The following EIF2AK3 variants were observed in gnomAD, a reference collection of about 807,000 sequenced individuals.
The protein encoded by EIF2AK3 is eukaryotic translation initiation factor 2-alpha kinase 3.
In EIF2AK3, 50 loss-of-function variants were observed where a neutral mutation model predicts 113.5. That is an observed-to-expected ratio of 0.44 (90% CI 0.35 to 0.56). EIF2AK3 has a LOEUF of 0.56. EIF2AK3 is among the 20% of genes least tolerant of loss of function. EIF2AK3 has a pLI of 0.00. For missense variants in EIF2AK3, 1,185 were observed against 1,378.0 expected (o/e 0.86, Z 2.22); for synonymous variants, 448 against 495.4 (o/e 0.90, Z 1.27).
At chr2:88,571,081 A>G in intron 13 of EIF2AK3, 40 bp from the exon 14 acceptor site, 1 of 1,605,598 alleles carries the variant, frequency 6.2e-7, no homozygotes, top group Non-Finnish European at 8.5e-7. Flanking sequence ...GTGGGTGTGC[A>G]TGGAGGCGAA....
intron 1 of EIF2AK3, among the ~76,000 whole-genome samples, chr2:88,617,787 C>T (rs1675624039): frequency 6.6e-6 from 1 of 151,578 alleles, no homozygotes; most frequent in Non-Finnish European, 1.5e-5. Context: ...CCATTGGGTA[C>T]TATGCTCACT....
At chr2:88,626,217 C>G (rs1287737675) in intron 1 of EIF2AK3, among the ~76,000 whole-genome samples, 2 of 152,176 alleles carry the variant, frequency 1.3e-5, no homozygotes, top group Non-Finnish European at 2.9e-5. Context: ...CTGAGAAACT[C>G]AAAGAAAACC....
chr2:88,595,691 G>A (rs1191034354), intron 2 of EIF2AK3, 28 bp from the exon 3 acceptor site: 1 of 1,584,588 alleles, frequency 6.3e-7, no homozygotes, highest in Non-Finnish European at 8.7e-7. Context: ...TTTTTAAAAG[G>A]GCCATAACAT....
intron 1 of EIF2AK3, among the ~76,000 whole-genome samples, chr2:88,615,961 C>A (rs1027745117): frequency 3.3e-5 from 5 of 152,170 alleles, no homozygotes; most frequent in Admixed American, 2.0e-4. Context: ...CCCAGCAGCA[C>A]CTGACCAGCC....
chr2:88,594,712 T>C (rs116012578), intron 3 of EIF2AK3, among the ~76,000 whole-genome samples: 447 of 151,806 alleles, frequency 2.9e-3, no homozygotes, highest in Admixed American at 5.2e-3. Flanking sequence ...AAAATGAGTA[T>C]AAACTTTCCT....
At chr2:88,586,227 C>A (rs181673919) in intron 8 of EIF2AK3, among the ~76,000 whole-genome samples, 166 bp from the exon 9 acceptor site, 1 of 151,926 alleles carries the variant, frequency 6.6e-6, no homozygotes, top group Admixed American at 6.5e-5. Context: ...TCTCATTTTT[C>A]TCCCGTAAAT....
Position 88,588,182 on chromosome 2 carries a change from G to C in EIF2AK3, c.1307-78C>G, listed in dbSNP as rs902170796. 2.5e-5 allele frequency: 24 copies of C among 978,218 alleles called. No homozygotes were observed. The African/African-American group carries it at 3.7e-4, about 15-fold the overall frequency. 60.6% of individuals were successfully genotyped at this position (978,218 alleles called of 1,614,324 possible). On this transcript the variant is annotated intron_variant, in intron 7 of 16. Transcript: ENST00000303236. ...TTATGACTTGAATAAAAATGCACGT[G>C]CTTAATTGAATAAACTGATATTCAA...
chr2:88,607,352 A>G (rs192101555), intron 2 of EIF2AK3, among the ~76,000 whole-genome samples: 1 of 152,230 alleles, frequency 6.6e-6, no homozygotes, highest in Admixed American at 6.5e-5. Context: ...ATTAAAAACA[A>G]AATTCTTAGC....
chr2:88,570,229 A>G (rs1674264357), intron 14 of EIF2AK3, among the ~76,000 whole-genome samples: 1 of 152,222 alleles, frequency 6.6e-6, no homozygotes, highest in Non-Finnish European at 1.5e-5. Flanking sequence ...AGTTATTTCT[A>G]CAAGTGTAAG....
chr2:88,590,856 A>G lies in EIF2AK3; in HGVS notation c.964T>C (p.Phe322Leu). Residue 322 changes from phenylalanine (F) to leucine (L), a missense_variant, in exon 5 of 17, where the codon TTC becomes CTC. Physicochemically the swap from Phe to Leu is conservative, Grantham distance 22 (BLOSUM62 0). Transcript: ENST00000303236. ...TCCAGATGTCCTCCCTTCTTACTGA[A>G]TGCCATAACTTTCCAGTCAGCAACC... is the stretch of plus-strand genomic sequence containing the variant. The part of the protein sequence containing the change: ...VSVADWKVMA[F>L]SKKGGHLEWE... The G allele has an allele frequency of 1.2e-6, 2 of 1,614,086 alleles. No homozygotes were observed. Among genetic ancestry groups the G allele is most frequent in the Non-Finnish European group, 1.7e-6 (2 of 1,179,992 alleles).
At chr2:88,602,954 T>C (rs1392789828) in intron 2 of EIF2AK3, among the ~76,000 whole-genome samples, 2 of 151,720 alleles carry the variant, frequency 1.3e-5, no homozygotes, top group African/African-American at 4.8e-5. Context: ...TCCTGGAACT[T>C]AAAGTAAAAA....
At chr2:88,580,754 C>T (rs1314286636) in intron 10 of EIF2AK3, among the ~76,000 whole-genome samples, 1 of 152,178 alleles carries the variant, frequency 6.6e-6, no homozygotes, top group Non-Finnish European at 1.5e-5. Context: ...TTATGACTTA[C>T]ATACTCATTT....
At chr2:88,609,635 T>C (rs1333436757) in intron 2 of EIF2AK3, among the ~76,000 whole-genome samples, 1 of 152,224 alleles carries the variant, frequency 6.6e-6, no homozygotes, top group Non-Finnish European at 1.5e-5. Context: ...AAAGCACTTC[T>C]AGAACTGAGT....
rs146129461 is a variant in EIF2AK3 at position 88,558,963 on chromosome 2, C to A, written c.3104G>T (p.Arg1035Ile). The A allele has an allele frequency of 1.9e-6, 3 of 1,596,788 alleles. No individual in the cohort carries two copies. Among genetic ancestry groups the A allele is most frequent in the African/African-American group, 2.7e-5 (2 of 74,534 alleles). Reference sequence around the variant, plus strand: ...AAATAATGGTGGAAATTTGAGATTTCTTACATCAGTTAAGGTCTAAAAAGA... The same window carrying A: ...AAATAATGGTGGAAATTTGAGATTTATTACATCAGTTAAGGTCTAAAAAGA... ...MERVRTLTDV[R>I]NLKFPPLFTQ... The change falls in exon 16 of 17, where the codon AGA becomes ATA. Residue 1035 changes from arginine to isoleucine, a missense_variant. Transcript: ENST00000303236.
chr2:88,560,220 G>C (rs757165708), intron 15 of EIF2AK3, among the ~76,000 whole-genome samples: 6 of 152,254 alleles, frequency 3.9e-5, no homozygotes, highest in Admixed American at 2.6e-4. Flanking sequence ...ACGATGTTGA[G>C]CATCTTTTCA....
chr2:88,590,763 T>A, intron 5 of EIF2AK3, 55 bp downstream of exon 5: 1 of 1,596,974 alleles, frequency 6.3e-7, no homozygotes, highest in African/African-American at 1.3e-5. Context: ...TCAATAAGTT[T>A]GGTCAGACTG....
At chr2:88,605,938 CG>C (rs1453194280) in intron 2 of EIF2AK3, among the ~76,000 whole-genome samples, 2 of 152,020 alleles carry the variant, frequency 1.3e-5, no homozygotes, top group Non-Finnish European at 2.9e-5. Context: ...GATGCCCTAA[CG>C]GGAGGGGTAA....
chr2:88,602,294 A>C (rs1675170075), intron 2 of EIF2AK3, among the ~76,000 whole-genome samples: 1 of 152,216 alleles, frequency 6.6e-6, no homozygotes, highest in African/African-American at 2.4e-5. Flanking sequence ...CTCACCCACT[A>C]TAAAACTGAA....
intron 1 of EIF2AK3, among the ~76,000 whole-genome samples, chr2:88,621,313 TAA>T (rs1188677487): frequency 6.6e-6 from 1 of 152,236 alleles, no homozygotes; most frequent in Non-Finnish European, 1.5e-5. Flanking sequence ...CAAATTCTGA[TAA>T]GTGTATGCTA....
Sources: gnomAD v4.1 joint callset for allele counts (sites outside exome capture counted in the v4.1 genomes callset) on GRCh38, gnomAD v4.1.1 for gene constraint, MANE v1.5 for transcripts, NCBI Gene and HGNC (gene_info 2026-07-23, HGNC 2026-07-21) for gene names.